SMTNL1: variants seen among roughly 807,000 people sequenced by gnomAD.
SMTNL1 encodes the protein smoothelin like 1.
A neutral mutation model predicts 46.6 loss-of-function variants in SMTNL1; 41 were observed. The observed-to-expected ratio is 0.88, with a 90% CI of 0.69 to 1.14. SMTNL1 has a LOEUF of 1.14. Ranked by LOEUF, SMTNL1 falls within the 50% of genes most tolerant of loss-of-function variation. SMTNL1 has a pLI of 0.00. For missense variants in SMTNL1, 591 were observed against 626.1 expected (o/e 0.94, Z 0.60); for synonymous variants, 234 against 234.2 (o/e 1.00, Z 0.01).
chr11:57,547,876 G>C (rs1019011536), intron 7 of SMTNL1, among the ~76,000 whole-genome samples: 4 of 152,240 alleles, frequency 2.6e-5, no homozygotes, highest in Admixed American at 6.5e-5. Context: ...CCCAAGGGAG[G>C]ATTTCCTCTG....
Position 57,550,205 on chromosome 11 carries a change from A to G in SMTNL1, c.*93A>G. The G allele has an allele frequency of 7.4e-7, 1 of 1,357,138 alleles. No homozygotes were observed. Among genetic ancestry groups the G allele is most frequent in the Non-Finnish European group, 1.0e-6 (1 of 1,002,902 alleles). The allele number at this position is 1,357,138 out of a possible 1,614,324, so 84.1% of individuals were successfully genotyped here. A position where few individuals can be genotyped will look rare whatever the true frequency, so the allele number is the denominator to read the frequency against. ...CCCTTCTGCTCCATGGAGGCACCAGAGCCAGGGGCTTAGGCAAGGGTGTGT... is the reference window on the plus strand; with the variant it reads ...CCCTTCTGCTCCATGGAGGCACCAGGGCCAGGGGCTTAGGCAAGGGTGTGT... On this transcript the variant is annotated 3_prime_UTR_variant, in exon 8 of 8. Transcript: ENST00000527972.
chr11:57,550,080 C>T lies in SMTNL1; in HGVS notation c.1453C>T (p.Gln485Ter). 1 of 1,613,572 alleles carries T rather than the reference C, an allele frequency of 6.2e-7. No individual in the cohort carries two copies. The highest frequency in any genetic ancestry group is 8.5e-7 in the Non-Finnish European group (1 of 1,179,728). ...YIQELYRSLV[Q>*]KGLVKTKKK The stretch of plus-strand genomic sequence containing the variant: ...CCAGGAACTGTACCGCAGCCTTGTG[C>T]AGAAAGGACTGGTGAAGACCAAGAA... The change falls in exon 8 of 8, where the codon CAG becomes TAG. Residue 485 changes from glutamine to a stop codon, truncating the protein, a stop_gained. Coordinates refer to ENST00000527972, the MANE Select transcript of SMTNL1 (RefSeq NM_001105565.3). LOFTEE classifies it high-confidence loss of function.
In SMTNL1 at chr11:57,549,954, A is replaced by G; in HGVS notation, c.1341-14A>G. ...CCTTTGACCTTCTGCTCCTCATTCC[A>G]CCCCATTCCTTAGGAAACTGGCTGA... On this transcript the variant is annotated splice_polypyrimidine_tract_variant and intron_variant, in intron 7 of 7. Coordinates refer to ENST00000527972, the MANE Select transcript of SMTNL1 (RefSeq NM_001105565.3). 1 of 1,612,786 alleles carries G rather than the reference A, an allele frequency of 6.2e-7. No homozygotes were observed. The highest frequency in any genetic ancestry group is 8.5e-7 in the Non-Finnish European group (1 of 1,179,510).
rs1295612870 is a variant in SMTNL1 at position 57,543,875 on chromosome 11, TG to T, written c.875del (p.Gly292ValfsTer5). The T allele has an allele frequency of 6.3e-7, 1 of 1,593,394 alleles. No individual in the cohort carries two copies. The highest frequency in any genetic ancestry group is 8.5e-7 in the Non-Finnish European group (1 of 1,169,894). On this transcript the variant is annotated frameshift_variant, in exon 4 of 8. Transcript: ENST00000527972. LOFTEE classifies it high-confidence loss of function. ...TCCTTTCACTTTCCTCCAGATGGGCTGGGTCCAGACTGTGTAGCTTCCGGAC... is the reference window on the plus strand; with the variant it reads ...TCCTTTCACTTTCCTCCAGATGGGCTGGTCCAGACTGTGTAGCTTCCGGAC... ...GEGHNLSTDG[L>X]GPDCVASGQT... is the part of the protein sequence containing the mutation.
At chr11:57,540,384 C>T (rs1944863460) in intron 1 of SMTNL1, among the ~76,000 whole-genome samples, 2 of 152,112 alleles carry the variant, frequency 1.3e-5, no homozygotes, top group South Asian at 2.1e-4. Context: ...TAGGCATGAG[C>T]CACTGCGCCT....
Position 57,545,875 on chromosome 11 carries a change from A to G in SMTNL1, c.918-6A>G, listed in dbSNP as rs1944916848. 3 of 1,609,494 alleles carry G rather than the reference A, an allele frequency of 1.9e-6. No individual in the cohort carries two copies. The highest frequency in any genetic ancestry group is 1.7e-6 in the Non-Finnish European group (2 of 1,178,022). On this transcript the variant is annotated splice_region_variant and splice_polypyrimidine_tract_variant and intron_variant, in intron 4 of 7. Coordinates refer to ENST00000527972, the MANE Select transcript of SMTNL1 (RefSeq NM_001105565.3). ...CTCTCACACGTCTTTGGACTTCTCC[A>G]TATAGTGAGTCTTCACCCAGCGACG... is the stretch of plus-strand genomic sequence containing the variant.
intron 1 of SMTNL1, among the ~76,000 whole-genome samples, chr11:57,542,310 A>C (rs1469451605): frequency 2.6e-5 from 4 of 152,180 alleles, no homozygotes; most frequent in African/African-American, 9.7e-5. Flanking sequence ...AAAATAAATA[A>C]TACAATAAAA....
intron 4 of SMTNL1, among the ~76,000 whole-genome samples, chr11:57,545,021 G>C (rs1386101499): frequency 2.6e-5 from 4 of 151,936 alleles, no homozygotes; most frequent in African/African-American, 9.7e-5. Flanking sequence ...ATTTTTACTA[G>C]AGGCAGGGTT....
chr11:57,544,984 G>A lies in SMTNL1; in HGVS notation c.918-897G>A, dbSNP rs573661143. ...TCCAAGTAGCTGGGATTATATGTGC[G>A]CGCCACCACGCCTGGCTAATTTTTG... is the stretch of plus-strand genomic sequence containing the variant. On this transcript the variant is annotated intron_variant, in intron 4 of 7. Transcript: ENST00000527972. Among the ~76,000 whole-genome samples, 33 of 152,022 alleles carry A rather than the reference G, an allele frequency of 2.2e-4. No homozygotes were observed. In the East Asian group the frequency reaches 2.3e-3, roughly 11 times the overall value.
chr11:57,549,205 T>C (rs1318540722), intron 7 of SMTNL1, among the ~76,000 whole-genome samples: 1 of 152,098 alleles, frequency 6.6e-6, no homozygotes, highest in Non-Finnish European at 1.5e-5. Context: ...TTTGTATTTT[T>C]AGTAGAGATG....
intron 4 of SMTNL1, among the ~76,000 whole-genome samples, chr11:57,544,518 G>C (rs561877314): frequency 6.6e-6 from 1 of 152,302 alleles, no homozygotes; most frequent in Admixed American, 6.5e-5. Flanking sequence ...TCTTTCAGCT[G>C]AACATGTTTC....
intron 1 of SMTNL1, 129 bp from the exon 2 acceptor site, chr11:57,542,512 C>G: frequency 9.5e-7 from 1 of 1,052,940 alleles, no homozygotes; most frequent in Non-Finnish European, 1.3e-6. Flanking sequence ...TGATTGGGCC[C>G]CATGTCCAAG....
chr11:57,544,948 T>C (rs1471842265), intron 4 of SMTNL1, among the ~76,000 whole-genome samples: 1 of 151,644 alleles, frequency 6.6e-6, no homozygotes, highest in African/African-American at 2.4e-5. Flanking sequence ...GCGATTCTCC[T>C]GCCTCAGCCT....
chr11:57,546,738 A>G, intron 7 of SMTNL1, 86 bp downstream of exon 7: 2 of 1,474,286 alleles, frequency 1.4e-6, no homozygotes, highest in Non-Finnish European at 1.8e-6. Flanking sequence ...AGGCAGTTAC[A>G]CCGATGCTGG....
Position 57,541,804 on chromosome 11 carries a change from CTG to C in SMTNL1, c.-2-835_-2-834del, listed in dbSNP as rs1017950534. ...TCAGTAAATGTATTTTTAAAAGACACTGTATCACTGTTGGAAATGGAAACTCA... is the reference window on the plus strand; with the variant it reads ...TCAGTAAATGTATTTTTAAAAGACACTATCACTGTTGGAAATGGAAACTCA... On this transcript the variant is annotated intron_variant, in intron 1 of 7. Coordinates refer to ENST00000527972, the MANE Select transcript of SMTNL1 (RefSeq NM_001105565.3). Among the ~76,000 whole-genome samples, 19 of 152,198 alleles carry C rather than the reference CTG, an allele frequency of 1.2e-4. 1 individual carries two copies. The highest frequency in any genetic ancestry group is 4.6e-4 in the African/African-American group (19 of 41,516).
At chr11:57,547,789 C>T (rs532582797) in intron 7 of SMTNL1, among the ~76,000 whole-genome samples, 32 of 152,352 alleles carry the variant, frequency 2.1e-4, no homozygotes, top group Admixed American at 1.2e-3. Flanking sequence ...GAGCTTGTCC[C>T]ATTCTCCAAA....
Position 57,542,840 on chromosome 11 carries a change from C to G in SMTNL1, c.198C>G (p.Leu66=). 2 of 1,613,292 alleles carry G rather than the reference C, an allele frequency of 1.2e-6. No homozygotes were observed. The highest frequency in any genetic ancestry group is 1.7e-6 in the Non-Finnish European group (2 of 1,179,612). Residue 66 remains leucine, a synonymous_variant, in exon 2 of 8, where the codon CTC becomes CTG. Transcript: ENST00000527972. ...CCGAGGACGGCATGTCAGCAGAACTCCAGGGGGAAGCAAATGGATTAGATG... is the reference window on the plus strand; with the variant it reads ...CCGAGGACGGCATGTCAGCAGAACTGCAGGGGGAAGCAAATGGATTAGATG... ...APAEDGMSAE[L]QGEANGLDEV...
At chr11:57,539,169 C>T (rs1403744443) in intron 1 of SMTNL1, among the ~76,000 whole-genome samples, 1 of 151,806 alleles carries the variant, frequency 6.6e-6, no homozygotes, top group Non-Finnish European at 1.5e-5. Context: ...GGAAACATAG[C>T]GAGACCCCAT....
chr11:57,542,648 G>A lies in SMTNL1; in HGVS notation c.6G>A (p.Glu2=), dbSNP rs1166112973. 6.2e-7 allele frequency: 1 copy of A among 1,604,692 alleles called. No homozygotes were observed. The highest frequency in any genetic ancestry group is 1.1e-5 in the South Asian group (1 of 89,914). Residue 2 remains glutamate, a synonymous_variant, in exon 2 of 8, where the codon GAG becomes GAA. Coordinates refer to ENST00000527972, the MANE Select transcript of SMTNL1 (RefSeq NM_001105565.3). M[E]QKEGKLSEDG... ...CTTGTCTTCTCTTTCCAGAGATGGA[G>A]CAGAAGGAAGGGAAGCTCTCTGAGG...
Sources: allele counts gnomAD v4.1 joint callset (sites outside exome capture counted in the v4.1 genomes callset), GRCh38; gene constraint gnomAD v4.1.1; transcripts MANE v1.5; gene names NCBI Gene and HGNC (gene_info 2026-07-23, HGNC 2026-07-21).